MROH1: variants seen among roughly 807,000 people sequenced by gnomAD.
MROH1 encodes the protein maestro heat like repeat family member 1.
A neutral mutation model predicts 116.5 loss-of-function variants in MROH1; 117 were observed. The observed-to-expected ratio is 1.00, with a 90% CI of 0.86 to 1.17. The LOEUF is 1.17. MROH1 is among the 50% of genes most tolerant of loss of function. The pLI is 0.00. For synonymous variants in MROH1, 921 were observed against 583.9 expected (o/e 1.58, Z -8.32); for missense variants, 1,873 against 1,338.5 (o/e 1.40, Z -6.23).
Position 144,229,402 on chromosome 8 carries a change from G to T in MROH1, c.1338+6172G>T, listed in dbSNP as rs1317710858. ...TGAATTTTTTTTTTTTTTTTTTTTT[G>T]GAATAGGGTCTCACTCTGTGACCCA... On this transcript the variant is annotated intron_variant, in intron 14 of 43. Transcript: ENST00000326134. Among the ~76,000 whole-genome samples, 113 of 111,372 alleles carry T rather than the reference G, an allele frequency of 1.0e-3. 1 individual carries two copies. Among genetic ancestry groups the T allele is most frequent in the African/African-American group, 3.8e-3 (101 of 26,796 alleles). 73.1% of individuals were successfully genotyped at this position (111,372 alleles called of 152,430 possible).
chr8:144,181,806 G>T (rs188111346), intron 7 of MROH1, among the ~76,000 whole-genome samples: 2 of 152,120 alleles, frequency 1.3e-5, no homozygotes, highest in African/African-American at 2.4e-5. Context: ...CCGCTGGGGC[G>T]CCTGTCTCTG....
rs1564369496 is a variant in MROH1, at chr8:144,163,865, T to C, written c.22+17T>C. 2 of 1,613,314 alleles carry C rather than the reference T, an allele frequency of 1.2e-6. No individual in the cohort carries two copies. The highest frequency in any genetic ancestry group is 8.5e-7 in the Non-Finnish European group (1 of 1,179,578). On this transcript the variant is annotated intron_variant, in intron 3 of 43. Coordinates refer to ENST00000326134, the MANE Select transcript of MROH1 (RefSeq NM_032450.3). The surrounding 1 kb of genome is among the most constrained non-coding windows in gnomAD (Gnocchi z 4.4). The stretch of plus-strand genomic sequence containing the variant: ...CCATGAAGAGTGAGTGCATGGGGAT[T>C]GGGAGTGGCCGGGTGTGAGGCCTCT...
chr8:144,244,213 G>T lies in MROH1; in HGVS notation c.2556-9G>T. On this transcript the variant is annotated splice_polypyrimidine_tract_variant and intron_variant, in intron 26 of 43. Transcript: ENST00000326134. ...GATCATTGTCTGGGGCCCTTAACTTGCCTCTCAGCTCCGTGGAGCCAGCGC... is the reference window on the plus strand; with the variant it reads ...GATCATTGTCTGGGGCCCTTAACTTTCCTCTCAGCTCCGTGGAGCCAGCGC... The T allele has an allele frequency of 2.8e-6, 2 of 717,196 alleles. No homozygotes were observed. Among genetic ancestry groups the T allele is most frequent in the Admixed American group, 4.0e-5 (2 of 50,010 alleles). 44.4% of individuals were successfully genotyped at this position (717,196 alleles called of 1,614,324 possible). A position where few individuals can be genotyped will look rare whatever the true frequency, so the allele number is the denominator to read the frequency against.
chr8:144,204,455 A>G (rs938355467), intron 12 of MROH1, among the ~76,000 whole-genome samples: 2 of 152,222 alleles, frequency 1.3e-5, no homozygotes, highest in African/African-American at 4.8e-5. Flanking sequence ...TATAATACAC[A>G]TACAGAAAAA....
At chr8:144,183,673 G>A (rs1314639462) in intron 7 of MROH1, among the ~76,000 whole-genome samples, 1 of 151,250 alleles carries the variant, frequency 6.6e-6, no homozygotes, top group Non-Finnish European at 1.5e-5. Context: ...TTGAGATGGA[G>A]TCTCGCTCTG....
At chr8:144,221,413 C>A (rs746002996) in intron 13 of MROH1, among the ~76,000 whole-genome samples, 4 of 152,034 alleles carry the variant, frequency 2.6e-5, no homozygotes, top group Non-Finnish European at 5.9e-5. Context: ...TGGATCTTTG[C>A]GAAAGTTAGG....
At chr8:144,183,751 A>G (rs1332749239) in intron 7 of MROH1, among the ~76,000 whole-genome samples, 1 of 151,604 alleles carries the variant, frequency 6.6e-6, no homozygotes, top group Admixed American at 6.6e-5. Context: ...GGTTCACGCC[A>G]TTCGCCTGCC....
rs1312445709 is a variant in MROH1, at chr8:144,247,439, G to A, written c.3007+3G>A. 1 of 770,206 alleles carries A rather than the reference G, an allele frequency of 1.3e-6. No individual in the cohort carries two copies. The highest frequency in any genetic ancestry group is 2.5e-5 in the East Asian group (1 of 40,770). 47.7% of individuals were successfully genotyped at this position (770,206 alleles called of 1,614,324 possible). A position where few individuals can be genotyped will look rare whatever the true frequency, so the allele number is the denominator to read the frequency against. ...GTACCTCCAGCTCGGCTATGAGGGT[G>A]AGCCCTCGTCAGGAGTGTGGGGGCC... On this transcript the variant is annotated splice_donor_region_variant and intron_variant, in intron 30 of 43. Transcript: ENST00000326134.
intron 11 of MROH1, among the ~76,000 whole-genome samples, chr8:144,199,665 T>C (rs1345674701): frequency 1.3e-5 from 2 of 152,166 alleles, no homozygotes; most frequent in Non-Finnish European, 2.9e-5. Flanking sequence ...CAGGCCCTCA[T>C]AGCCATCCTG....
Position 144,168,425 on chromosome 8 carries a change from G to A in MROH1, c.153G>A (p.Leu51=), listed in dbSNP as rs1821521073. Residue 51 remains leucine, a synonymous_variant, in exon 4 of 44, where the codon CTG becomes CTA. Transcript: ENST00000326134. ...CGCTCCGTGCCTGCGAGGAGTATCT[G>A]CGGCAGCATGACAAGGTATGTGTGC... ...VETLRACEEY[L]RQHDKLAHPY... is the part of the protein sequence containing the mutation. The A allele has an allele frequency of 5.6e-6, 9 of 1,608,650 alleles. No individual in the cohort carries two copies. Among genetic ancestry groups the A allele is most frequent in the Non-Finnish European group, 7.6e-6 (9 of 1,178,136 alleles).
intron 29 of MROH1, among the ~76,000 whole-genome samples, chr8:144,245,538 G>C (rs1215180777): frequency 2.0e-5 from 3 of 152,236 alleles, no homozygotes; most frequent in Non-Finnish European, 4.4e-5. Context: ...TTTGGTTGGC[G>C]ATATTTTTAT....
At position 144,255,661 on chromosome 8, in the gene MROH1, G is replaced by A. The variant is rs1843603740; in HGVS notation, c.3747G>A (p.Arg1249=). 1.3e-5 allele frequency: 10 copies of A among 768,736 alleles called. No homozygotes were observed. Among genetic ancestry groups the A allele is most frequent in the South Asian group, 2.8e-5 (2 of 72,392 alleles). 47.6% of individuals were successfully genotyped at this position (768,736 alleles called of 1,614,324 possible). A position where few individuals can be genotyped will look rare whatever the true frequency, so the allele number is the denominator to read the frequency against. ...LPRNLQAQER[R]GASPALATRN... is the part of the protein sequence containing the mutation. ...GGAACCTGCAGGCCCAGGAAAGGAG[G>A]GGTGCCAGTCCAGCCCTAGCCACCA... The change falls in exon 35 of 44, where the codon AGG becomes AGA. Residue 1249 remains arginine, a synonymous_variant. Coordinates refer to ENST00000326134, the MANE Select transcript of MROH1 (RefSeq NM_032450.3).
intron 37 of MROH1, among the ~76,000 whole-genome samples, 166 bp downstream of exon 37, chr8:144,259,520 C>A (rs976313006): frequency 6.6e-6 from 1 of 152,180 alleles, no homozygotes; most frequent in Admixed American, 6.5e-5. Flanking sequence ...CTCACTCAGT[C>A]CCACCCAGGG....
chr8:144,238,750 C>T lies in MROH1; in HGVS notation c.1339-6C>T. On this transcript the variant is annotated splice_polypyrimidine_tract_variant and splice_region_variant and intron_variant, in intron 14 of 43. Coordinates refer to ENST00000326134, the MANE Select transcript of MROH1 (RefSeq NM_032450.3). ...ACGCACGCCTTTGCCTTTTGCCTTCCTCCAGCCTGAGAAGCCAGGCCCCGG... is the reference window on the plus strand; with the variant it reads ...ACGCACGCCTTTGCCTTTTGCCTTCTTCCAGCCTGAGAAGCCAGGCCCCGG... 1.3e-6 allele frequency: 1 copy of T among 771,282 alleles called. No homozygotes were observed. Among genetic ancestry groups the T allele is most frequent in the East Asian group, 2.4e-5 (1 of 41,236 alleles). 47.8% of individuals were successfully genotyped at this position (771,282 alleles called of 1,614,324 possible).
chr8:144,176,984 G>A (rs181999074), intron 4 of MROH1, among the ~76,000 whole-genome samples: 6 of 152,214 alleles, frequency 3.9e-5, no homozygotes, highest in South Asian at 2.1e-4. Flanking sequence ...GCCTCACTGC[G>A]GCGCCAACAC....
At position 144,260,946 on chromosome 8, in the gene MROH1, G is replaced by A. The variant is rs1318755898; in HGVS notation, c.4576G>A (p.Ala1526Thr). Residue 1526 changes from alanine (A) to threonine (T), a missense_variant, in exon 41 of 44, where the codon GCA becomes ACA. Transcript: ENST00000326134. ...CCTGCGCATGTGTGGCCCCAATCTG[G>A]CATGTGAGGAGCTCTCAGCTGCTTT... is the stretch of plus-strand genomic sequence containing the variant. ...FALRMCGPNL[A>T]CEELSAAFQK... is the part of the protein sequence containing the mutation. 3 of 777,618 alleles carry A rather than the reference G, an allele frequency of 3.9e-6. No individual in the cohort carries two copies. The highest frequency in any genetic ancestry group is 3.4e-5 in the African/African-American group (2 of 59,080). The allele number at this position is 777,618 out of a possible 1,614,324, so 48.2% of individuals were successfully genotyped here. A position where few individuals can be genotyped will look rare whatever the true frequency, so the allele number is the denominator to read the frequency against.
intron 24 of MROH1, among the ~76,000 whole-genome samples, chr8:144,242,944 C>T (rs1206445261): frequency 6.6e-6 from 1 of 152,208 alleles, no homozygotes; most frequent in Non-Finnish European, 1.5e-5. Flanking sequence ...CCCCAGTGCT[C>T]ATGGGGGCTG....
At chr8:144,154,614 G>A (rs1817605394) in intron 1 of MROH1, among the ~76,000 whole-genome samples, 1 of 150,764 alleles carries the variant, frequency 6.6e-6, no homozygotes, top group Non-Finnish European at 1.5e-5. Context: ...TATCACAGTA[G>A]TTCAGTATGT....
intron 1 of MROH1, among the ~76,000 whole-genome samples, chr8:144,149,440 A>AG (rs1440341370): frequency 5.3e-5 from 8 of 152,108 alleles, no homozygotes; most frequent in South Asian, 4.2e-4. Flanking sequence ...CTGACTGCTG[A>AG]GGGACACCAG....
Sources: allele counts gnomAD v4.1 joint callset (sites outside exome capture counted in the v4.1 genomes callset), GRCh38; gene constraint gnomAD v4.1.1; non-coding constraint Gnocchi (gnomAD v3.1); transcripts MANE v1.5; gene names NCBI Gene and HGNC (gene_info 2026-07-23, HGNC 2026-07-21).